The following RAB7A variants were observed in gnomAD, a reference collection of about 807,000 sequenced individuals.
RAB7A encodes the protein RAB7A, member RAS oncogene family.
In RAB7A, 2 loss-of-function variants were observed where a neutral mutation model predicts 24.5. The ratio of observed to expected loss-of-function variants is 0.08; its 90% CI spans 0.03 to 0.26. The LOEUF is 0.26. Among genes scored for constraint, RAB7A ranks in the 10% least tolerant of loss-of-function variants. The pLI is 1.00. For missense variants in RAB7A, 118 were observed against 255.7 expected (o/e 0.46, Z 3.67); for synonymous variants, 100 against 95.9 (o/e 1.04, Z -0.25).
At chr3:128,745,148 A>G (rs992138286) in intron 1 of RAB7A, among the ~76,000 whole-genome samples, 1 of 152,010 alleles carries the variant, frequency 6.6e-6, no homozygotes, top group African/African-American at 2.4e-5. Context: ...TGCTGGGATT[A>G]TAGGCGTGAG....
At chr3:128,749,967 A>G (rs1271655764) in intron 1 of RAB7A, among the ~76,000 whole-genome samples, 1 of 152,226 alleles carries the variant, frequency 6.6e-6, no homozygotes, top group Non-Finnish European at 1.5e-5. Context: ...GAACTGGGTA[A>G]CAGGCAGAGA....
At chr3:128,754,046 C>T (rs1022014639) in intron 1 of RAB7A, among the ~76,000 whole-genome samples, 3 of 151,960 alleles carry the variant, frequency 2.0e-5, no homozygotes, top group Non-Finnish European at 4.4e-5. Context: ...CACTAGATCT[C>T]CCTTCATGAA....
At chr3:128,772,003 A>G (rs1469655777) in intron 1 of RAB7A, among the ~76,000 whole-genome samples, 1 of 152,230 alleles carries the variant, frequency 6.6e-6, no homozygotes, top group Non-Finnish European at 1.5e-5. Flanking sequence ...ATAGTTTTCA[A>G]AAAGGGTAAG....
At chr3:128,729,692 T>C (rs2070415867) in intron 1 of RAB7A, among the ~76,000 whole-genome samples, 1 of 152,230 alleles carries the variant, frequency 6.6e-6, no homozygotes, top group African/African-American at 2.4e-5. Flanking sequence ...ATGACAGTTG[T>C]CTTATGCACA....
intron 1 of RAB7A, among the ~76,000 whole-genome samples, chr3:128,777,132 T>C (rs754917867): frequency 1.3e-5 from 2 of 152,210 alleles, no homozygotes; most frequent in Non-Finnish European, 2.9e-5. Flanking sequence ...ATCAGATATA[T>C]GTTTTGCAAA....
intron 1 of RAB7A, among the ~76,000 whole-genome samples, chr3:128,766,149 C>G (rs2070829270): frequency 6.6e-6 from 1 of 152,136 alleles, no homozygotes; most frequent in Non-Finnish European, 1.5e-5. Flanking sequence ...CCAGAGCAGC[C>G]CCTCTACTTA....
intron 1 of RAB7A, among the ~76,000 whole-genome samples, chr3:128,775,079 G>A (rs921264540): frequency 6.6e-6 from 1 of 152,234 alleles, no homozygotes; most frequent in Non-Finnish European, 1.5e-5. Context: ...ACTGCGCCCG[G>A]CCGACATCCC....
In RAB7A at chr3:128,798,063, A is replaced by G. The variant is rs1933611219; in HGVS notation, c.174A>G (p.Thr58=). The change falls in exon 3 of 6, where the codon ACA becomes ACG. Residue 58 remains threonine (T), a synonymous_variant. Transcript: ENST00000265062. The stretch of plus-strand genomic sequence containing the variant: ...TGATGGTGGATGACAGGCTAGTCAC[A>G]ATGCAGGTAAGCACATGTCTTGGCT... ...KEVMVDDRLV[T]MQIWDTAGQE... is the part of the protein sequence containing the mutation. The G allele has an allele frequency of 1.2e-6, 2 of 1,613,932 alleles. No homozygotes were observed. Among genetic ancestry groups the G allele is most frequent in the Non-Finnish European group, 1.7e-6 (2 of 1,179,922 alleles).
At chr3:128,795,103 C>A in intron 1 of RAB7A, 1 of 534,952 alleles carries the variant, frequency 1.9e-6, no homozygotes, top group South Asian at 2.1e-5. Context: ...GATCCACCAC[C>A]CAAGTGAGAG....
At chr3:128,811,895 A>G (rs924042648) in intron 5 of RAB7A, among the ~76,000 whole-genome samples, 1 of 152,078 alleles carries the variant, frequency 6.6e-6, no homozygotes, top group African/African-American at 2.4e-5. Context: ...AGAAATGGGG[A>G]AAATTAAAAT....
intron 3 of RAB7A, among the ~76,000 whole-genome samples, chr3:128,802,390 T>C (rs1189921999): frequency 1.3e-5 from 2 of 152,236 alleles, no homozygotes; most frequent in African/African-American, 4.8e-5. Flanking sequence ...AACAGTGATA[T>C]TAGTATAGTA....
At chr3:128,805,654 C>T (rs1933787203) in intron 3 of RAB7A, among the ~76,000 whole-genome samples, 2 of 152,006 alleles carry the variant, frequency 1.3e-5, no homozygotes, top group Non-Finnish European at 2.9e-5. Context: ...TTTAGGCAAA[C>T]TTTTCTCTTT....
At chr3:128,809,936 CTTTTTTTTTTTTTTTTTTTTTTTTT>C (rs869119619) in intron 5 of RAB7A, among the ~76,000 whole-genome samples, 4 of 52,216 alleles carry the variant, frequency 7.7e-5, no homozygotes. Flanking sequence ...TTGCCACAGT[CTTTTTTTTTTTTTTTTTTTTTTTTT>C]TTTTTGAGAC....
At chr3:128,799,561 C>T (rs554130504) in intron 3 of RAB7A, among the ~76,000 whole-genome samples, 10 of 152,316 alleles carry the variant, frequency 6.6e-5, no homozygotes, top group Admixed American at 2.6e-4. Flanking sequence ...CCATGGCATG[C>T]TCCTAGAGGA....
intron 1 of RAB7A, among the ~76,000 whole-genome samples, chr3:128,769,040 A>T (rs1179176575): frequency 8.0e-6 from 1 of 124,982 alleles, no homozygotes; most frequent in African/African-American, 3.3e-5. Flanking sequence ...CCACAGGTGT[A>T]CACCACCACA....
intron 2 of RAB7A, 108 bp from the exon 3 acceptor site, chr3:128,797,835 T>G: frequency 7.3e-7 from 1 of 1,361,478 alleles, no homozygotes. Flanking sequence ...GTGAGGGCAG[T>G]TTCTTGTCCT....
intron 1 of RAB7A, among the ~76,000 whole-genome samples, chr3:128,763,211 T>TTA (rs1559786118): frequency 9.1e-6 from 1 of 110,372 alleles, no homozygotes; most frequent in African/African-American, 4.1e-5. Flanking sequence ...TATATATATT[T>TTA]TTTTTTTTTT....
In RAB7A at chr3:128,731,941, C is replaced by A. The variant is rs185618213; in HGVS notation, c.-9+5582C>A. Among the ~76,000 whole-genome samples the A allele has an allele frequency of 8.6e-4, 127 of 147,540 alleles. 1 individual carries two copies. The highest frequency in any genetic ancestry group is 3.0e-3 in the African/African-American group (120 of 40,194). Reference sequence around the variant, plus strand: ...AATCGCTTGAACTGGGGAGGCGGAGCTTGCAGTGAGCCGGGATCGTGCCAT... The same window carrying A: ...AATCGCTTGAACTGGGGAGGCGGAGATTGCAGTGAGCCGGGATCGTGCCAT... On this transcript the variant is annotated intron_variant, in intron 1 of 5. Coordinates refer to ENST00000265062, the MANE Select transcript of RAB7A (RefSeq NM_004637.6).
At chr3:128,764,240 G>GACCACAT (rs1443709504) in intron 1 of RAB7A, among the ~76,000 whole-genome samples, 1 of 151,338 alleles carries the variant, frequency 6.6e-6, no homozygotes, top group African/African-American at 2.4e-5. Flanking sequence ...TGACAGCCTC[G>GACCACAT]ACCACATACC....
Sources: allele counts gnomAD v4.1 joint callset (sites outside exome capture counted in the v4.1 genomes callset), GRCh38; gene constraint gnomAD v4.1.1; transcripts MANE v1.5; gene names NCBI Gene and HGNC (gene_info 2026-07-23, HGNC 2026-07-21).